The following FNBP4 variants were observed in gnomAD, a reference collection of about 807,000 sequenced individuals.
FNBP4 encodes formin-binding protein 4.
Under a neutral mutation model 119.3 loss-of-function variants are expected in FNBP4, and 34 were observed. That is an observed-to-expected ratio of 0.28 (90% CI 0.22 to 0.38). The LOEUF (loss-of-function observed/expected upper bound fraction) is 0.38, where lower values mean the gene tolerates loss of function less well. Ranked by LOEUF, FNBP4 falls within the 10% of genes least tolerant of loss-of-function variation. The pLI is 1.00. For synonymous variants in FNBP4, 462 were observed against 430.6 expected, an observed-to-expected ratio of 1.07 and a Z score of -0.90; for missense variants, 1,112 against 1,228.9, an observed-to-expected ratio of 0.90 and a Z score of 1.42.
intron 10 of FNBP4, among the ~76,000 whole-genome samples, chr11:47,733,066 C>T (rs1039030250): frequency 1.5e-4 from 23 of 152,086 alleles, no homozygotes; most frequent in African/African-American, 3.4e-4. Flanking sequence ...TGTGGTGAGC[C>T]GAGATCATGC....
rs763323682 is a variant in FNBP4, at chr11:47,724,010, C to T, written c.2464+18G>A. 16 of 1,606,182 alleles carry T rather than the reference C, an allele frequency of 1.0e-5. No homozygotes were observed. The highest frequency in any genetic ancestry group is 1.7e-4 in the Middle Eastern group (1 of 6,022). On this transcript the variant is annotated intron_variant, in intron 14 of 16. Coordinates refer to ENST00000263773, the MANE Select transcript of FNBP4 (RefSeq NM_015308.5). ...GAAACAATACATTGAGGAAAAACCA[C>T]GCTCTATGCACAATTACCTGTAGCT...
chr11:47,758,871 G>T (rs1256258127), intron 2 of FNBP4, among the ~76,000 whole-genome samples: 1 of 151,880 alleles, frequency 6.6e-6, no homozygotes, highest in African/African-American at 2.4e-5. Flanking sequence ...AAAAGCGGGG[G>T]GGAAAAGAGA....
intron 6 of FNBP4, among the ~76,000 whole-genome samples, chr11:47,750,443 AC>A (rs2097599953): frequency 6.9e-6 from 1 of 144,910 alleles, no homozygotes; most frequent in South Asian, 2.2e-4. Flanking sequence ...TAATCCCAGC[AC>A]TCTGGGAGGC....
chr11:47,739,802 G>A (rs1164894750), intron 8 of FNBP4, among the ~76,000 whole-genome samples: 1 of 152,100 alleles, frequency 6.6e-6, no homozygotes, highest in Non-Finnish European at 1.5e-5. Context: ...TTTGAGATGG[G>A]AGTTTTGCTC....
intron 8 of FNBP4, among the ~76,000 whole-genome samples, chr11:47,740,376 C>T (rs1024256657): frequency 1.4e-5 from 2 of 148,146 alleles, no homozygotes; most frequent in African/African-American, 5.2e-5. Context: ...CGTGACACTG[C>T]AGTCCAGCCT....
intron 15 of FNBP4, among the ~76,000 whole-genome samples, chr11:47,721,022 GCAAA>G (rs1256231887): frequency 6.6e-6 from 1 of 151,958 alleles, no homozygotes; most frequent in African/African-American, 2.4e-5. Flanking sequence ...ATGAAAAAAA[GCAAA>G]CAGATTTTTA....
intron 16 of FNBP4, among the ~76,000 whole-genome samples, 175 bp from the exon 17 acceptor site, chr11:47,717,687 T>G (rs1433131804): frequency 6.6e-6 from 1 of 152,224 alleles, no homozygotes. Flanking sequence ...ACTTCTTCAT[T>G]CTGATAGGTC....
Position 47,729,544 on chromosome 11 carries a change from C to T in FNBP4, c.2008+1830G>A, listed in dbSNP as rs941930581. The T allele has an allele frequency of 7.1e-6, 7 of 981,590 alleles. No homozygotes were observed. The African/African-American group carries it at 1.2e-4, about 17-fold the overall frequency. The allele number at this position is 981,590 out of a possible 1,614,324, so 60.8% of individuals were successfully genotyped here. A position where few individuals can be genotyped will look rare whatever the true frequency, so the allele number is the denominator to read the frequency against. ...TATTTTTGAGACAGGGTCTTGTTCT[C>T]TGTCGCTCAGGCTGGAGTGCAGTGG... On this transcript the variant is annotated intron_variant, in intron 12 of 16. Coordinates refer to ENST00000263773, the MANE Select transcript of FNBP4 (RefSeq NM_015308.5).
chr11:47,744,271 G>A, intron 7 of FNBP4, 108 bp from the exon 8 acceptor site: 1 of 1,094,246 alleles, frequency 9.1e-7, no homozygotes. Context: ...TTTGAGAACA[G>A]AAAGCACTTT....
intron 2 of FNBP4, among the ~76,000 whole-genome samples, chr11:47,764,838 G>A (rs2097643406): frequency 6.6e-6 from 1 of 152,062 alleles, no homozygotes; most frequent in African/African-American, 2.4e-5. Flanking sequence ...TTGAACCCAG[G>A]TTTGTCTACA....
At chr11:47,762,735 A>C (rs2097638323) in intron 2 of FNBP4, among the ~76,000 whole-genome samples, 1 of 151,354 alleles carries the variant, frequency 6.6e-6, no homozygotes, top group Non-Finnish European at 1.5e-5. Context: ...CAACATGGTG[A>C]ACCGTCTCTA....
chr11:47,752,228 A>T (rs2135234069), intron 4 of FNBP4, among the ~76,000 whole-genome samples: 1 of 151,828 alleles, frequency 6.6e-6, no homozygotes, highest in South Asian at 2.1e-4. Flanking sequence ...GTTCGAGACC[A>T]GCTTTGCCAA....
At chr11:47,752,122 GCTTT>G (rs1381730537) in intron 4 of FNBP4, among the ~76,000 whole-genome samples, 1 of 151,940 alleles carries the variant, frequency 6.6e-6, no homozygotes, top group Non-Finnish European at 1.5e-5. Flanking sequence ...TCTTCAACAT[GCTTT>G]ATTTAAAAAG....
At chr11:47,722,876 C>T in intron 15 of FNBP4, 100 bp downstream of exon 15, 3 of 1,334,960 alleles carry the variant, frequency 2.2e-6, no homozygotes, top group Non-Finnish European at 3.0e-6. Context: ...CAGGCTTAAG[C>T]CACAGTGCCC....
chr11:47,766,380 G>GT (rs1187939031), intron 1 of FNBP4, among the ~76,000 whole-genome samples: 2 of 152,190 alleles, frequency 1.3e-5, no homozygotes, highest in East Asian at 1.9e-4. Flanking sequence ...TACAAAAACA[G>GT]TAAGTATTCT....
At chr11:47,719,462 CAG>C (rs1195215439) in intron 16 of FNBP4, among the ~76,000 whole-genome samples, 1 of 152,050 alleles carries the variant, frequency 6.6e-6, no homozygotes, top group Admixed American at 6.5e-5. Context: ...AATATAGGGA[CAG>C]GGGAAAAACT....
chr11:47,734,347 A>G (rs540967752), intron 9 of FNBP4, among the ~76,000 whole-genome samples: 1 of 152,228 alleles, frequency 6.6e-6, no homozygotes, highest in African/African-American at 2.4e-5. Flanking sequence ...AATCAAATGC[A>G]TATCTACATA....
intron 15 of FNBP4, among the ~76,000 whole-genome samples, chr11:47,721,711 TAC>T (rs1462293232): frequency 2.0e-5 from 3 of 152,054 alleles, no homozygotes; most frequent in African/African-American, 7.2e-5. Context: ...ATAATAAACA[TAC>T]AGATTTTTTG....
At chr11:47,720,573 T>TAAAA (rs534473045) in intron 15 of FNBP4, among the ~76,000 whole-genome samples, 6 of 92,168 alleles carry the variant, frequency 6.5e-5, no homozygotes, top group African/African-American at 1.7e-4. Flanking sequence ...CTCAAAAAAA[T>TAAAA]AAATAAATAA....
Sources: allele counts gnomAD v4.1 joint callset (sites outside exome capture counted in the v4.1 genomes callset), GRCh38; gene constraint gnomAD v4.1.1; transcripts MANE v1.5; gene names NCBI Gene and HGNC (gene_info 2026-07-23, HGNC 2026-07-21).